The following ARMC7 variants were observed in gnomAD, a reference collection of about 807,000 sequenced individuals.
ARMC7 encodes the protein armadillo repeat containing 7, also known as armadillo repeat-containing protein 7.
ARMC7 carries 9 observed loss-of-function variants against 14.8 expected under a neutral mutation model. The ratio of observed to expected loss-of-function variants is 0.61; its 90% CI spans 0.37 to 1.06. The LOEUF is 1.06. ARMC7 is among the 50% of genes least tolerant of loss of function. The pLI is 0.01. For missense variants in ARMC7, 262 were observed against 267.1 expected (o/e 0.98, Z 0.13); for synonymous variants, 125 against 123.4 (o/e 1.01, Z -0.09).
chr17:75,117,300 C>T (rs2073980200), intron 2 of ARMC7, among the ~76,000 whole-genome samples: 1 of 152,172 alleles, frequency 6.6e-6, no homozygotes, highest in Non-Finnish European at 1.5e-5. Context: ...TGATCTCGAA[C>T]TCCTCACCTC....
intron 2 of ARMC7, among the ~76,000 whole-genome samples, chr17:75,116,799 G>A (rs934296257): frequency 6.6e-5 from 10 of 152,192 alleles, no homozygotes; most frequent in Non-Finnish European, 1.2e-4. Flanking sequence ...AGGAAGCTGC[G>A]GTGCAGACAG....
chr17:75,128,444 C>G (rs1354838909), intron 2 of ARMC7, among the ~76,000 whole-genome samples: 1 of 152,106 alleles, frequency 6.6e-6, no homozygotes, highest in Non-Finnish European at 1.5e-5. Flanking sequence ...ACTTGCTGAA[C>G]TGAGAGGGAA....
At chr17:75,112,487 CTT>C (rs1448514790) in intron 2 of ARMC7, among the ~76,000 whole-genome samples, 1 of 151,818 alleles carries the variant, frequency 6.6e-6, no homozygotes, top group Non-Finnish European at 1.5e-5. Context: ...TAAAATTACT[CTT>C]TCTTTCCCCT....
At chr17:75,127,414 C>G (rs2074059750) in intron 2 of ARMC7, among the ~76,000 whole-genome samples, 1 of 151,990 alleles carries the variant, frequency 6.6e-6, no homozygotes, top group Non-Finnish European at 1.5e-5. Context: ...GCTATTCTGC[C>G]TCAGCCTCCC....
At chr17:75,115,720 C>T (rs1340939188) in intron 2 of ARMC7, among the ~76,000 whole-genome samples, 1 of 152,084 alleles carries the variant, frequency 6.6e-6, no homozygotes, top group Non-Finnish European at 1.5e-5. Context: ...CAAGTATCTG[C>T]TTGTTGGCAG....
chr17:75,129,278 C>G lies in ARMC7; in HGVS notation c.*240C>G, dbSNP rs916713658. On this transcript the variant is annotated 3_prime_UTR_variant, in exon 3 of 3. Transcript: ENST00000245543. ...GCGTTCATAGGCTGGCACTCTCAAT[C>G]CTACATCAGGTGCCACCACCACCAG... 1.7e-6 allele frequency: 1 copy of G among 590,762 alleles called. No individual in the cohort carries two copies. Among genetic ancestry groups the G allele is most frequent in the East Asian group, 3.0e-5 (1 of 33,638 alleles). The allele number at this position is 590,762 out of a possible 1,614,324, so 36.6% of individuals were successfully genotyped here.
At chr17:75,123,907 T>C (rs911182504) in intron 2 of ARMC7, among the ~76,000 whole-genome samples, 4 of 151,720 alleles carry the variant, frequency 2.6e-5, no homozygotes, top group African/African-American at 4.8e-5. Flanking sequence ...GCGAGGCTCA[T>C]ACTCAAAAAA....
At chr17:75,112,573 C>CTTTTTTT (rs549730217) in intron 2 of ARMC7, among the ~76,000 whole-genome samples, 102 of 100,372 alleles carry the variant, frequency 1.0e-3, no homozygotes, top group Middle Eastern at 4.7e-3. Flanking sequence ...TTCTCTTTTT[C>CTTTTTTT]TTTTTTTTTT....
chr17:75,128,936 G>A lies in ARMC7; in HGVS notation c.495G>A (p.Glu165=). Residue 165 remains glutamate, a synonymous_variant, in exon 3 of 3, where the codon GAG becomes GAA. Coordinates refer to ENST00000245543, the MANE Select transcript of ARMC7 (RefSeq NM_024585.4). ...GGAACCTGGCACAGATCTTCCTGGA[G>A]GACTTCTGCTCCCCCCGCCAGGTGG... ...RLRNLAQIFL[E]DFCSPRQVAE... 1 of 1,607,642 alleles carries A rather than the reference G, an allele frequency of 6.2e-7. No homozygotes were observed. Among genetic ancestry groups the A allele is most frequent in the South Asian group, 1.1e-5 (1 of 90,992 alleles).
intron 2 of ARMC7, among the ~76,000 whole-genome samples, chr17:75,121,258 C>T (rs1250905271): frequency 1.3e-5 from 2 of 152,132 alleles, no homozygotes; most frequent in African/African-American, 2.4e-5. Context: ...CATGTTCATA[C>T]AAATATGTAC....
At chr17:75,121,622 C>T (rs1429089284) in intron 2 of ARMC7, among the ~76,000 whole-genome samples, 1 of 152,150 alleles carries the variant, frequency 6.6e-6, no homozygotes, top group African/African-American at 2.4e-5. Flanking sequence ...CCATGTTGGC[C>T]AGGCTGGTCT....
chr17:75,117,214 T>C (rs569136488), intron 2 of ARMC7, among the ~76,000 whole-genome samples: 85 of 152,256 alleles, frequency 5.6e-4, no homozygotes, highest in African/African-American at 1.9e-3. Context: ...GTAGCTGGGA[T>C]TACAAGCACC....
rs150545384 is a variant in ARMC7, at chr17:75,122,150, G to A, written c.236-6527G>A. On this transcript the variant is annotated intron_variant, in intron 2 of 2. Transcript: ENST00000245543. Reference sequence around the variant, plus strand: ...AGTTCAAGATAAGCCAGGCCAAGATGGTGAAACCCCATCTCTACTAAAAAT... The same window carrying A: ...AGTTCAAGATAAGCCAGGCCAAGATAGTGAAACCCCATCTCTACTAAAAAT... Among the ~76,000 whole-genome samples, 17 of 151,750 alleles carry A rather than the reference G, an allele frequency of 1.1e-4. No individual in the cohort carries two copies. In the East Asian group the frequency reaches 3.2e-3, roughly 28 times the overall value.
chr17:75,120,917 ACATC>A (rs2074009325), intron 2 of ARMC7, among the ~76,000 whole-genome samples: 1 of 152,088 alleles, frequency 6.6e-6, no homozygotes, highest in Non-Finnish European at 1.5e-5. Flanking sequence ...AGCTATGTGT[ACATC>A]CATGTAAGCA....
intron 2 of ARMC7, among the ~76,000 whole-genome samples, chr17:75,121,718 T>C (rs2074015236): frequency 2.0e-5 from 3 of 152,130 alleles, no homozygotes; most frequent in Admixed American, 6.6e-5. Context: ...GCAGCAGCAG[T>C]GTTTTTTATT....
intron 2 of ARMC7, among the ~76,000 whole-genome samples, chr17:75,122,928 G>A (rs978717919): frequency 6.6e-6 from 1 of 151,976 alleles, no homozygotes; most frequent in Non-Finnish European, 1.5e-5. Context: ...TAGAGGAGGT[G>A]GCGTCTTAGC....
chr17:75,113,431 T>G (rs1432382345), intron 2 of ARMC7, among the ~76,000 whole-genome samples: 1 of 151,628 alleles, frequency 6.6e-6, no homozygotes, highest in Non-Finnish European at 1.5e-5. Context: ...CTCGGCTCAC[T>G]GCAAGCTCCG....
chr17:75,125,578 C>A (rs1280714439), intron 2 of ARMC7, among the ~76,000 whole-genome samples: 6 of 152,080 alleles, frequency 3.9e-5, no homozygotes, highest in Non-Finnish European at 1.5e-5. Context: ...TGGCTCACAC[C>A]CGTAATCCTA....
chr17:75,124,446 A>G (rs548895195), intron 2 of ARMC7, among the ~76,000 whole-genome samples: 1 of 152,276 alleles, frequency 6.6e-6, no homozygotes, highest in African/African-American at 2.4e-5. Flanking sequence ...GGGTGTGGTG[A>G]TGACTCAGCT....
Sources: allele counts gnomAD v4.1 joint callset (sites outside exome capture counted in the v4.1 genomes callset), GRCh38; gene constraint gnomAD v4.1.1; transcripts MANE v1.5; gene names NCBI Gene and HGNC (gene_info 2026-07-23, HGNC 2026-07-21).